PPP2R5C: variants seen among roughly 807,000 people sequenced by gnomAD.
The protein encoded by PPP2R5C is protein phosphatase 2 regulatory subunit B'gamma.
In PPP2R5C, 7 loss-of-function variants were observed where a neutral mutation model predicts 68.9. The observed-to-expected ratio is 0.10, with a 90% CI of 0.06 to 0.19. The LOEUF (loss-of-function observed/expected upper bound fraction) is 0.19, where lower values mean the gene tolerates loss of function less well. PPP2R5C is among the 10% of genes least tolerant of loss of function. PPP2R5C has a pLI of 1.00. For missense variants in PPP2R5C, 348 were observed against 641.3 expected, an observed-to-expected ratio of 0.54 and a Z score of 4.94; for synonymous variants, 210 against 222.2, an observed-to-expected ratio of 0.95 and a Z score of 0.49.
intron 9 of PPP2R5C, among the ~76,000 whole-genome samples, chr14:101,902,381 T>C (rs751176946): frequency 1.2e-4 from 18 of 152,168 alleles, no homozygotes; most frequent in Non-Finnish European, 2.2e-4. Flanking sequence ...CAGAGCTACT[T>C]TCTACTTTCT....
rs574094911 is a variant in PPP2R5C, at chr14:101,914,162, G to A, written c.1326+1689G>A. The A allele has an allele frequency of 8.3e-5, 38 of 456,060 alleles. No individual in the cohort carries two copies. In the East Asian group the frequency reaches 2.5e-3, roughly 30 times the overall value. 28.3% of individuals were successfully genotyped at this position (456,060 alleles called of 1,614,324 possible). ...TTGGTTGCTCTCTTTGCAAACGTCT[G>A]TGGTGGTGGCAGGCATGCCGTGGTT... On this transcript the variant is annotated intron_variant, in intron 12 of 13. Transcript: ENST00000334743.
At chr14:101,810,700 T>A (rs185199810) in intron 1 of PPP2R5C, among the ~76,000 whole-genome samples, 1 of 152,338 alleles carries the variant, frequency 6.6e-6, no homozygotes, top group African/African-American at 2.4e-5. Context: ...CTTTTAAAAT[T>A]TTAAATGGCA....
At chr14:101,817,292 C>G (rs1381987468) in intron 1 of PPP2R5C, among the ~76,000 whole-genome samples, 1 of 152,070 alleles carries the variant, frequency 6.6e-6, no homozygotes, top group African/African-American at 2.4e-5. Flanking sequence ...CTGTTTCGCT[C>G]TCTTATCATT....
At chr14:101,919,969 C>CCAAAAAAAAAAAAAAAAAAAAAA (rs775818748) in intron 13 of PPP2R5C, among the ~76,000 whole-genome samples, 3 of 52,882 alleles carry the variant, frequency 5.7e-5, no homozygotes, top group African/African-American at 1.8e-4. Flanking sequence ...AACTCCGTCT[C>CCAAAAAAAAAAAAAAAAAAAAAA]AAAAAAAAAA....
At position 101,791,654 on chromosome 14, in the gene PPP2R5C, GT is replaced by G. The variant is rs146308156; in HGVS notation, c.259+5481del. The stretch of plus-strand genomic sequence containing the variant: ...CTTCTTTTGAGCTTTTAATTTCAGG[GT>G]TTTTTTTTTCATTTATGAAAGTTCT... On this transcript the variant is annotated intron_variant, in intron 3 of 14. Coordinates refer to the PPP2R5C transcript ENST00000328724. Among the ~76,000 whole-genome samples, 22 of 146,068 alleles carry G rather than the reference GT, an allele frequency of 1.5e-4. No individual in the cohort carries two copies. The South Asian group carries it at 3.3e-3, about 22-fold the overall frequency.
chr14:101,772,113 T>C (rs143387241), intron 2 of PPP2R5C, among the ~76,000 whole-genome samples: 1,567 of 152,218 alleles, frequency 0.01, 31 homozygotes, highest in African/African-American at 0.036. Flanking sequence ...AAATAATTCT[T>C]ATGGGAGTGT....
intron 1 of PPP2R5C, among the ~76,000 whole-genome samples, chr14:101,810,562 T>TGA (rs2039302003): frequency 6.6e-6 from 1 of 152,340 alleles, no homozygotes; most frequent in African/African-American, 2.4e-5. Context: ...CCGTGGAGCC[T>TGA]GAGAGAGAAA....
In PPP2R5C at chr14:101,797,542, G is replaced by A; in HGVS notation, c.259+11359G>A. The A allele has an allele frequency of 7.3e-6, 2 of 273,900 alleles. No homozygotes were observed. Among genetic ancestry groups the A allele is most frequent in the Non-Finnish European group, 7.4e-6 (1 of 135,818 alleles). The allele number at this position is 273,900 out of a possible 1,614,324, so 17.0% of individuals were successfully genotyped here. ...TTGTGGTGTCACCTCTCGTGGGGTGGCCAAAACCCCAGCCAGGGCCACCTA... is the reference window on the plus strand; with the variant it reads ...TTGTGGTGTCACCTCTCGTGGGGTGACCAAAACCCCAGCCAGGGCCACCTA... On this transcript the variant is annotated intron_variant, in intron 3 of 14. Coordinates refer to the PPP2R5C transcript ENST00000328724. The surrounding 1 kb of genome is among the most constrained non-coding windows in gnomAD (Gnocchi z 4.2).
intron 1 of PPP2R5C, 67 bp from the exon 2 acceptor site, chr14:101,762,838 T>C: frequency 7.6e-7 from 1 of 1,308,266 alleles, no homozygotes; most frequent in South Asian, 1.3e-5. Context: ...AAACTGCATT[T>C]GGCTTATCTG....
chr14:101,849,501 T>G (rs2042023002), intron 1 of PPP2R5C, among the ~76,000 whole-genome samples: 2 of 142,812 alleles, frequency 1.4e-5, no homozygotes, highest in Non-Finnish European at 3.1e-5. Context: ...ATTAAGACTT[T>G]TTCCTATTCT....
In PPP2R5C at chr14:101,850,240, A is replaced by G. The variant is rs140673655; in HGVS notation, c.95-6446A>G. ...GCAGTAGATAAGAAAGAGAAGAACAATGTGGGGACTTGCAGATGAAAGGAA... is the reference window on the plus strand; with the variant it reads ...GCAGTAGATAAGAAAGAGAAGAACAGTGTGGGGACTTGCAGATGAAAGGAA... On this transcript the variant is annotated intron_variant, in intron 1 of 13. Coordinates refer to ENST00000334743, the Ensembl canonical transcript of PPP2R5C. Among the ~76,000 whole-genome samples, 630 of 152,304 alleles carry G rather than the reference A, an allele frequency of 4.1e-3. 2 individuals carry two copies. The highest frequency in any genetic ancestry group is 5.1e-3 in the Non-Finnish European group (350 of 68,020).
At chr14:101,897,958 C>T (rs1595502689) in intron 8 of PPP2R5C, among the ~76,000 whole-genome samples, 1 of 151,788 alleles carries the variant, frequency 6.6e-6, no homozygotes, top group Non-Finnish European at 1.5e-5. Context: ...AGTTTGAGAC[C>T]AGCCTGGGAA....
At chr14:101,808,486 T>G (rs2039169554), upstream of PPP2R5C, among the ~76,000 whole-genome samples, 1 of 152,154 alleles carries the variant, frequency 6.6e-6, no homozygotes. Flanking sequence ...TCTATTTATT[T>G]TAGTTGCTAT....
intron 11 of PPP2R5C, among the ~76,000 whole-genome samples, chr14:101,912,004 A>G (rs556429026): frequency 2.0e-5 from 3 of 152,246 alleles, no homozygotes; most frequent in Admixed American, 6.5e-5. Flanking sequence ...TATTATAGGA[A>G]TGGGAATGCT....
At chr14:101,884,601 TGGA>T (rs1272469962) in intron 5 of PPP2R5C, among the ~76,000 whole-genome samples, 2 of 152,200 alleles carry the variant, frequency 1.3e-5, no homozygotes, top group African/African-American at 4.8e-5. Flanking sequence ...GAGCAGCCGG[TGGA>T]GGAGGACAGA....
chr14:101,776,889 T>C (rs937957698), intron 2 of PPP2R5C, among the ~76,000 whole-genome samples: 6 of 151,714 alleles, frequency 4.0e-5, no homozygotes, highest in Admixed American at 2.6e-4. Context: ...CCCTTTTTTT[T>C]TTTTTTTTTG....
In PPP2R5C at chr14:101,825,633, T is replaced by A. The variant is rs1447769650; in HGVS notation, c.94+15597T>A. Among the ~76,000 whole-genome samples the A allele has an allele frequency of 6.6e-6, 1 of 152,206 alleles. No individual in the cohort carries two copies. The highest frequency in any genetic ancestry group is 1.5e-5 in the Non-Finnish European group (1 of 68,036). On this transcript the variant is annotated intron_variant, in intron 1 of 13. Transcript: ENST00000334743. The surrounding 1 kb of genome is among the most constrained non-coding windows in gnomAD (Gnocchi z 4.0). Reference sequence around the variant, plus strand: ...TCCATCATTCAGGTTTCACTGAACTTTCATGTTGGCATTTCATTTAGTTGA... The same window carrying A: ...TCCATCATTCAGGTTTCACTGAACTATCATGTTGGCATTTCATTTAGTTGA...
In PPP2R5C at chr14:101,822,088, C is replaced by A. The variant is rs544071728; in HGVS notation, c.94+12052C>A. Reference sequence around the variant, plus strand: ...ACCACCACCACCCCCTGCCCCCCCCCCACACACACACATCCCTTGCTAAAT... The same window carrying A: ...ACCACCACCACCCCCTGCCCCCCCCACACACACACACATCCCTTGCTAAAT... On this transcript the variant is annotated intron_variant, in intron 1 of 13. Coordinates refer to ENST00000334743, the Ensembl canonical transcript of PPP2R5C. 4.7e-3 allele frequency among the ~76,000 whole-genome samples: 648 copies of A among 138,896 alleles called. 3 individuals are homozygous for A. Among genetic ancestry groups the A allele is most frequent in the East Asian group, 0.014 (68 of 4,932 alleles). The allele number at this position is 138,896 out of a possible 152,430, so 91.1% of individuals were successfully genotyped here. A position where few individuals can be genotyped will look rare whatever the true frequency, so the allele number is the denominator to read the frequency against.
intron 2 of PPP2R5C, among the ~76,000 whole-genome samples, chr14:101,875,278 C>T (rs971900544): frequency 2.0e-5 from 3 of 152,098 alleles, no homozygotes; most frequent in Admixed American, 6.5e-5. Context: ...TCTTCACTGC[C>T]GAGCACTCAT....
Sources: gnomAD v4.1 joint callset for allele counts (sites outside exome capture counted in the v4.1 genomes callset) on GRCh38, gnomAD v4.1.1 for gene constraint, Gnocchi (gnomAD v3.1) non-coding constraint, MANE v1.5 for transcripts, NCBI Gene and HGNC (gene_info 2026-07-23, HGNC 2026-07-21) for gene names.